UNC5C: variants seen among roughly 807,000 people sequenced by gnomAD.
UNC5C encodes unc-5 netrin receptor C.
Under a neutral mutation model 99.8 loss-of-function variants are expected in UNC5C, and 47 were observed. The observed-to-expected ratio is 0.47, with a 90% CI of 0.37 to 0.60. The LOEUF (loss-of-function observed/expected upper bound fraction) is 0.60. UNC5C is among the 20% of genes least tolerant of loss of function. The probability of loss-of-function intolerance (pLI) is 0.00; values close to 1 mark genes in which losing one functional copy is unlikely to be tolerated. For missense variants in UNC5C, 1,062 were observed against 1,165.9 expected (o/e 0.91, Z 1.30); for synonymous variants, 487 against 452.2 (o/e 1.08, Z -0.98).
At chr4:95,191,680 C>A (rs1232385647) in intron 12 of UNC5C, among the ~76,000 whole-genome samples, 1 of 151,202 alleles carries the variant, frequency 6.6e-6, no homozygotes, top group African/African-American at 2.4e-5. Context: ...GTTCACTCTC[C>A]TCCCCAATCA....
At chr4:95,529,929 TA>T (rs1285260657) in intron 1 of UNC5C, among the ~76,000 whole-genome samples, 1 of 152,194 alleles carries the variant, frequency 6.6e-6, no homozygotes, top group Non-Finnish European at 1.5e-5. Flanking sequence ...ACTCCTTTTT[TA>T]ATCCACCGAA....
chr4:95,271,897 G>A (rs1223559523), intron 4 of UNC5C, among the ~76,000 whole-genome samples: 1 of 151,998 alleles, frequency 6.6e-6, no homozygotes, highest in Non-Finnish European at 1.5e-5. Flanking sequence ...TTGCTCACTG[G>A]GTCTCAGACA....
intron 3 of UNC5C, among the ~76,000 whole-genome samples, chr4:95,289,979 G>T (rs1246309486): frequency 6.6e-6 from 1 of 152,074 alleles, no homozygotes; most frequent in Non-Finnish European, 1.5e-5. Flanking sequence ...AACTCTTATT[G>T]TGGTTTGTAA....
chr4:95,187,054 G>T (rs910149226), intron 12 of UNC5C, among the ~76,000 whole-genome samples: 11 of 152,174 alleles, frequency 7.2e-5, no homozygotes, highest in African/African-American at 2.7e-4. Flanking sequence ...AAAAGTGAGG[G>T]TTAATTGCAG....
Position 95,169,099 on chromosome 4 carries a change from C to A in UNC5C, c.*135G>T. On this transcript the variant is annotated 3_prime_UTR_variant, in exon 16 of 16. Coordinates refer to ENST00000453304, the MANE Select transcript of UNC5C (RefSeq NM_003728.4). ...TACATGGGCAGTTGTATCTGTTTTC[C>A]TTCTGGCTCCTGCTGCAGTCTTGCC... The A allele has an allele frequency of 8.9e-7, 1 of 1,124,682 alleles. No homozygotes were observed. Among genetic ancestry groups the A allele is most frequent in the Admixed American group, 2.3e-5 (1 of 44,402 alleles). 69.7% of individuals were successfully genotyped at this position (1,124,682 alleles called of 1,614,324 possible). A position where few individuals can be genotyped will look rare whatever the true frequency, so the allele number is the denominator to read the frequency against.
intron 1 of UNC5C, among the ~76,000 whole-genome samples, chr4:95,463,486 A>T (rs888188962): frequency 1.3e-5 from 2 of 151,434 alleles, no homozygotes; most frequent in African/African-American, 2.5e-5. Context: ...AACCCATCCT[A>T]ATGGAAAGCA....
chr4:95,479,635 C>T lies in UNC5C; in HGVS notation c.124+69099G>A, dbSNP rs141967822. The stretch of plus-strand genomic sequence containing the variant: ...CCATCTTTCGCAGAAAGAAAATCCT[C>T]ATAATCATAAGGAATAGCTTAGTTT... On this transcript the variant is annotated intron_variant, in intron 1 of 15. Transcript: ENST00000453304. Among the ~76,000 whole-genome samples, 7 of 152,020 alleles carry T rather than the reference C, an allele frequency of 4.6e-5. No individual in the cohort carries two copies. In the East Asian group the frequency reaches 1.4e-3, roughly 30 times the overall value.
chr4:95,434,861 G>A (rs973479195), intron 1 of UNC5C, among the ~76,000 whole-genome samples: 1 of 151,986 alleles, frequency 6.6e-6, no homozygotes, highest in South Asian at 2.1e-4. Context: ...AGCAGTGCAA[G>A]GGCCACAGAG....
At chr4:95,307,742 T>C (rs978824678) in intron 2 of UNC5C, among the ~76,000 whole-genome samples, 3 of 152,054 alleles carry the variant, frequency 2.0e-5, no homozygotes, top group African/African-American at 7.2e-5. Context: ...ACAAACCAAA[T>C]GCAACAGCAC....
intron 12 of UNC5C, among the ~76,000 whole-genome samples, chr4:95,187,274 CTTCT>C (rs760248303): frequency 2.8e-4 from 43 of 152,308 alleles, no homozygotes; most frequent in Middle Eastern, 3.4e-3. Context: ...TCAGTTCCAG[CTTCT>C]TTCTTTCCAT....
At chr4:95,410,506 G>A (rs1484862210) in intron 1 of UNC5C, among the ~76,000 whole-genome samples, 1 of 152,182 alleles carries the variant, frequency 6.6e-6, no homozygotes, top group Non-Finnish European at 1.5e-5. Flanking sequence ...AGAGGGTGGA[G>A]TCAGAGATGC....
chr4:95,335,387 T>G (rs754627351), intron 2 of UNC5C, 23 bp downstream of exon 2: 1 of 1,595,044 alleles, frequency 6.3e-7, no homozygotes, highest in Middle Eastern at 1.7e-4. Flanking sequence ...TGAAGTGCAA[T>G]GCAAATGCAA....
intron 14 of UNC5C, among the ~76,000 whole-genome samples, chr4:95,171,682 A>C (rs1736117742): frequency 6.6e-6 from 1 of 151,848 alleles, no homozygotes; most frequent in Non-Finnish European, 1.5e-5. Context: ...TATTGTGAAT[A>C]GTGCCGCAGT....
chr4:95,410,517 T>A (rs1282776157), intron 1 of UNC5C, among the ~76,000 whole-genome samples: 1 of 152,130 alleles, frequency 6.6e-6, no homozygotes, highest in Non-Finnish European at 1.5e-5. Context: ...TCAGAGATGC[T>A]CACAAAGGGA....
chr4:95,359,896 A>T (rs2149434123), intron 1 of UNC5C, among the ~76,000 whole-genome samples: 2 of 152,302 alleles, frequency 1.3e-5, no homozygotes, highest in Middle Eastern at 6.8e-3. Context: ...ATTTTCCCTC[A>T]TTTAATTCTC....
chr4:95,287,178 A>G (rs140387462), intron 3 of UNC5C, among the ~76,000 whole-genome samples: 2 of 152,346 alleles, frequency 1.3e-5, no homozygotes, highest in Non-Finnish European at 2.9e-5. Context: ...GTAGGATTGC[A>G]TACATAACAT....
chr4:95,384,292 C>A (rs1745150060), intron 1 of UNC5C, among the ~76,000 whole-genome samples: 1 of 152,126 alleles, frequency 6.6e-6, no homozygotes. Flanking sequence ...CCTTAAAAAG[C>A]ACACGGTGTC....
At chr4:95,246,982 C>T (rs1402066949) in intron 5 of UNC5C, among the ~76,000 whole-genome samples, 1 of 151,772 alleles carries the variant, frequency 6.6e-6, no homozygotes, top group Non-Finnish European at 1.5e-5. Flanking sequence ...ACAGAAGTTA[C>T]AGGAGCCAAG....
chr4:95,497,784 GCAT>G (rs1248918629), intron 1 of UNC5C, among the ~76,000 whole-genome samples: 1 of 151,886 alleles, frequency 6.6e-6, no homozygotes, highest in East Asian at 1.9e-4. Context: ...AAGGTGAAAA[GCAT>G]AATAAGAAAA....
Sources: gnomAD v4.1 joint callset for allele counts (sites outside exome capture counted in the v4.1 genomes callset) on GRCh38, gnomAD v4.1.1 for gene constraint, MANE v1.5 for transcripts, NCBI Gene and HGNC (gene_info 2026-07-23, HGNC 2026-07-21) for gene names.